Variants in LCLAT1 observed in about 807,000 individuals in gnomAD.
LCLAT1 encodes the protein 1-AGP acyltransferase 8.
LCLAT1 carries 11 observed loss-of-function variants against 30.7 expected under a neutral mutation model. That is an observed-to-expected ratio of 0.36 (90% confidence interval 0.23 to 0.59). The LOEUF is 0.59. Ranked by LOEUF, LCLAT1 falls within the 20% of genes least tolerant of loss-of-function variation. The probability of loss-of-function intolerance (pLI) is 0.77; values close to 1 mark genes in which losing one functional copy is unlikely to be tolerated. For missense variants in LCLAT1, 402 were observed against 458.6 expected (o/e 0.88, Z 1.13); for synonymous variants, 155 against 151.3 (o/e 1.02, Z -0.18).
intron 5 of LCLAT1, among the ~76,000 whole-genome samples, chr2:30,608,900 A>G (rs1170645862): frequency 6.6e-6 from 1 of 152,152 alleles, no homozygotes; most frequent in Non-Finnish European, 1.5e-5. Flanking sequence ...ATACTACATA[A>G]TAGATACTCC....
intron 1 of LCLAT1, among the ~76,000 whole-genome samples, chr2:30,457,022 A>G (rs1054707691): frequency 6.6e-6 from 1 of 152,218 alleles, no homozygotes; most frequent in African/African-American, 2.4e-5. Context: ...CAGCTTAACT[A>G]TGTCTTTATT....
intron 5 of LCLAT1, chr2:30,607,160 T>C (rs1015742654): frequency 6.6e-6 from 1 of 152,072 alleles, no homozygotes; most frequent in Non-Finnish European, 1.5e-5. Flanking sequence ...GTTCAACCAT[T>C]GTGTAGCTGG....
rs75774728 is a variant in LCLAT1, at chr2:30,510,082, T to C, written c.-4-15505T>C. On this transcript the variant is annotated intron_variant, in intron 1 of 5. Coordinates refer to ENST00000379509, the MANE Select transcript of LCLAT1 (RefSeq NM_001002257.3). ...TAACAACTTTCAGAGAGTCTTCCTT[T>C]TGTGCCATCCTCTCAGAATTTGGAC... is the stretch of plus-strand genomic sequence containing the variant. Among the ~76,000 whole-genome samples the C allele has an allele frequency of 1.8e-3, 275 of 152,328 alleles. 5 individuals are homozygous for C. In the East Asian group the frequency reaches 0.02, roughly 11 times the overall value.
intron 5 of LCLAT1, among the ~76,000 whole-genome samples, chr2:30,594,802 T>C (rs1269359345): frequency 6.6e-6 from 1 of 152,320 alleles, no homozygotes; most frequent in Admixed American, 6.5e-5. Flanking sequence ...ACCAAGCAGA[T>C]TTTATTGGAT....
chr2:30,637,609 C>A (rs1669098924), intron 5 of LCLAT1, among the ~76,000 whole-genome samples: 1 of 152,092 alleles, frequency 6.6e-6, no homozygotes, highest in South Asian at 2.1e-4. Flanking sequence ...CGGAGTTTCA[C>A]TCTTGTTGCC....
chr2:30,619,822 G>A (rs1284959745), intron 5 of LCLAT1, among the ~76,000 whole-genome samples: 1 of 152,004 alleles, frequency 6.6e-6, no homozygotes, highest in African/African-American at 2.4e-5. Context: ...GTCATTTCGT[G>A]TCCCAGAGTT....
intron 2 of LCLAT1, among the ~76,000 whole-genome samples, chr2:30,528,867 G>A (rs1225070575): frequency 2.6e-5 from 4 of 152,250 alleles, no homozygotes; most frequent in African/African-American, 7.2e-5. Context: ...ATGTATAGAT[G>A]TTGAATTCCT....
intron 5 of LCLAT1, among the ~76,000 whole-genome samples, chr2:30,592,435 A>G (rs2593455): frequency 0.88 from 133,670 of 152,078 alleles, 59,177 homozygotes; most frequent in African/African-American, 0.97. Flanking sequence ...AGTGAGCTGC[A>G]ATTGCACCAC....
intron 1 of LCLAT1, among the ~76,000 whole-genome samples, chr2:30,496,054 G>T (rs1474219758): frequency 2.0e-5 from 3 of 152,140 alleles, no homozygotes; most frequent in African/African-American, 7.2e-5. Context: ...TATAATGGTG[G>T]CAGAAGGCAA....
chr2:30,494,349 T>A (rs546003892), intron 1 of LCLAT1, among the ~76,000 whole-genome samples: 63 of 152,308 alleles, frequency 4.1e-4, no homozygotes, highest in South Asian at 1.7e-3. Context: ...ACAGCTTTTT[T>A]CTTCAGAGGC....
At chr2:30,494,997 T>C (rs1170553783) in intron 1 of LCLAT1, among the ~76,000 whole-genome samples, 1 of 151,638 alleles carries the variant, frequency 6.6e-6, no homozygotes, top group Non-Finnish European at 1.5e-5. Context: ...TTGGGACATA[T>C]GGGCTGAATC....
chr2:30,561,447 C>T (rs1665216153), intron 3 of LCLAT1, among the ~76,000 whole-genome samples: 1 of 152,128 alleles, frequency 6.6e-6, no homozygotes, highest in African/African-American at 2.4e-5. Flanking sequence ...TTGATTGCCT[C>T]AGTTAGGTAT....
At chr2:30,539,930 A>G (rs1048774961) in intron 3 of LCLAT1, among the ~76,000 whole-genome samples, 2 of 152,354 alleles carry the variant, frequency 1.3e-5, no homozygotes, top group African/African-American at 4.8e-5. Flanking sequence ...TGGGGTGGCA[A>G]TAAATTATGA....
intron 1 of LCLAT1, 25 bp from the exon 2 acceptor site, chr2:30,525,562 A>C: frequency 6.3e-7 from 1 of 1,586,308 alleles, no homozygotes; most frequent in Non-Finnish European, 8.7e-7. Flanking sequence ...TAGTAACAAA[A>C]TATATCCTTT....
chr2:30,635,245 A>AATATATAT (rs34490305), intron 5 of LCLAT1, among the ~76,000 whole-genome samples: 2 of 148,244 alleles, frequency 1.3e-5, no homozygotes, highest in Admixed American at 1.4e-4. Flanking sequence ...TATATACACA[A>AATATATAT]ATATATATAT....
intron 4 of LCLAT1, among the ~76,000 whole-genome samples, chr2:30,565,482 G>C (rs1256195474): frequency 1.3e-5 from 2 of 152,098 alleles, no homozygotes; most frequent in Non-Finnish European, 2.9e-5. Context: ...TATTTGATGA[G>C]ATACCTGAGT....
At position 30,472,105 on chromosome 2, in the gene LCLAT1, A is replaced by G. The variant is rs1682826807; in HGVS notation, c.-5+24722A>G. On this transcript the variant is annotated intron_variant, in intron 1 of 5. Coordinates refer to ENST00000379509, the MANE Select transcript of LCLAT1 (RefSeq NM_001002257.3). ...AAAACTTTAAAGAAGCTAATTTAAA[A>G]TTTTTGCTAGTTTATGGGACATAGT... Among the ~76,000 whole-genome samples, 3 of 152,188 alleles carry G rather than the reference A, an allele frequency of 2.0e-5. 1 individual carries two copies. The highest frequency in any genetic ancestry group is 4.1e-4 in the South Asian group (2 of 4,828).
chr2:30,559,777 A>G (rs769548696), intron 3 of LCLAT1, among the ~76,000 whole-genome samples: 1 of 152,166 alleles, frequency 6.6e-6, no homozygotes, highest in Non-Finnish European at 1.5e-5. Context: ...TGGCTCTTGC[A>G]AGTTAATTAG....
At chr2:30,624,886 C>A (rs994412111) in intron 5 of LCLAT1, among the ~76,000 whole-genome samples, 1 of 152,008 alleles carries the variant, frequency 6.6e-6, no homozygotes, top group Non-Finnish European at 1.5e-5. Flanking sequence ...CCAATAAATT[C>A]GAGAAAAATG....
Sources: gnomAD v4.1 joint callset for allele counts (sites outside exome capture counted in the v4.1 genomes callset) on GRCh38, gnomAD v4.1.1 for gene constraint, MANE v1.5 for transcripts, NCBI Gene and HGNC (gene_info 2026-07-23, HGNC 2026-07-21) for gene names.